C2CD2: variants seen among roughly 807,000 people sequenced by gnomAD.
C2CD2 encodes the protein C2 calcium dependent domain containing 2.
In C2CD2, 43 loss-of-function variants were observed where a neutral mutation model predicts 74.3. The ratio of observed to expected loss-of-function variants is 0.58; its 90% CI spans 0.45 to 0.75. The LOEUF (loss-of-function observed/expected upper bound fraction) is 0.75, where lower values mean the gene tolerates loss of function less well. Ranked by LOEUF, C2CD2 falls within the 30% of genes least tolerant of loss-of-function variation. C2CD2 has a pLI of 0.00. For synonymous variants in C2CD2, 422 were observed against 390.7 expected (o/e 1.08, Z -0.94); for missense variants, 801 against 916.3 (o/e 0.87, Z 1.63).
chr21:41,939,571 A>C lies in C2CD2; in HGVS notation c.378+2576T>G, dbSNP rs9325615. Among the ~76,000 whole-genome samples, 51,642 of 151,968 alleles carry C rather than the reference A, an allele frequency of 0.34. 9,792 individuals carry two copies. The highest frequency in any genetic ancestry group is 0.5 in the African/African-American group (20,796 of 41,380). ...CACGGCTCTCTGCACCTCAGCTCCCAAGAGTATAAAATGGGCACTGGAGCA... is the reference window on the plus strand; with the variant it reads ...CACGGCTCTCTGCACCTCAGCTCCCCAGAGTATAAAATGGGCACTGGAGCA... On this transcript the variant is annotated intron_variant, in intron 2 of 13. Coordinates refer to ENST00000380486, the MANE Select transcript of C2CD2 (RefSeq NM_015500.2). The surrounding 1 kb of genome is among the most constrained non-coding windows in gnomAD (Gnocchi z 5.5).
intron 5 of C2CD2, 74 bp downstream of exon 5, chr21:41,918,031 C>G: frequency 6.4e-7 from 1 of 1,572,986 alleles, no homozygotes; most frequent in South Asian, 1.1e-5. Flanking sequence ...GGAACGCACA[C>G]AGATTCTCCA....
chr21:41,906,100 T>C (rs1356470024), intron 10 of C2CD2, among the ~76,000 whole-genome samples: 1 of 152,224 alleles, frequency 6.6e-6, no homozygotes, highest in Non-Finnish European at 1.5e-5. Flanking sequence ...TCATGCACTC[T>C]GGGAGGATAA....
chr21:41,894,472 G>A, intron 13 of C2CD2: 1 of 367,354 alleles, frequency 2.7e-6, no homozygotes, highest in Non-Finnish European at 5.4e-6. Flanking sequence ...CCCAGGCCCT[G>A]CTCTTCCATG....
At chr21:41,914,496 CG>C (rs1487250930) in intron 6 of C2CD2, 101 bp downstream of exon 6, 1 of 995,984 alleles carries the variant, frequency 1.0e-6, no homozygotes, top group Non-Finnish European at 1.4e-6. Flanking sequence ...TGCACCCCCA[CG>C]GGAGGATGCC....
intron 2 of C2CD2, among the ~76,000 whole-genome samples, chr21:41,941,871 T>G (rs913058141): frequency 6.6e-6 from 1 of 152,248 alleles, no homozygotes; most frequent in Non-Finnish European, 1.5e-5. Context: ...ATGAGGTTTT[T>G]GTGTCCAGCT....
At chr21:41,896,739 GT>G (rs1377937878) in intron 13 of C2CD2, among the ~76,000 whole-genome samples, 9 of 135,582 alleles carry the variant, frequency 6.6e-5, no homozygotes, top group Admixed American at 2.9e-4. Flanking sequence ...ACAAGCTTTA[GT>G]TTTTAAAAAA....
intron 7 of C2CD2, chr21:41,912,049 C>T: frequency 3.3e-6 from 1 of 304,844 alleles, no homozygotes; most frequent in Non-Finnish European, 6.0e-6. Flanking sequence ...CAGAGGCTCC[C>T]TCCCTTTTCA....
chr21:41,940,400 C>T (rs1227455244), intron 2 of C2CD2, among the ~76,000 whole-genome samples: 1 of 152,170 alleles, frequency 6.6e-6, no homozygotes, highest in Non-Finnish European at 1.5e-5. Context: ...ATGTTAAACA[C>T]ACAAATACCC....
At chr21:41,936,276 A>G (rs939028018) in intron 2 of C2CD2, among the ~76,000 whole-genome samples, 2 of 152,228 alleles carry the variant, frequency 1.3e-5, no homozygotes, top group African/African-American at 4.8e-5. Flanking sequence ...AACCCAATTA[A>G]AAAATGGGCA....
At chr21:41,948,790 C>G (rs1364962970) in intron 1 of C2CD2, among the ~76,000 whole-genome samples, 3 of 144,968 alleles carry the variant, frequency 2.1e-5, no homozygotes, top group Non-Finnish European at 4.5e-5. Flanking sequence ...AGTCTGGTGG[C>G]CACTTTGTTT....
rs1569064818 is a variant in C2CD2 at position 41,909,498 on chromosome 21, A to G, written c.979T>C (p.Leu327=). Residue 327 remains leucine, a synonymous_variant, in exon 8 of 14, where the codon TTA becomes CTA. Coordinates refer to ENST00000380486, the MANE Select transcript of C2CD2 (RefSeq NM_015500.2). ...TFELNAKSKE[L]HLQISEAGRS... is the part of the protein sequence containing the mutation. ...CCAGCCTCTGAAATCTGCAGGTGTA[A>G]CTCCTTCGACTTGGCATTCAACTCG... The G allele has an allele frequency of 1.2e-6, 2 of 1,613,626 alleles. No individual in the cohort carries two copies. Among genetic ancestry groups the G allele is most frequent in the East Asian group, 2.2e-5 (1 of 44,874 alleles).
At chr21:41,919,196 A>G (rs6586342) in intron 3 of C2CD2, among the ~76,000 whole-genome samples, 49,248 of 152,088 alleles carry the variant, frequency 0.32, 8,133 homozygotes, top group South Asian at 0.39. Flanking sequence ...GAATGTGTGC[A>G]TGTGCATGTG....
At chr21:41,953,042 A>G (rs1294764079) in intron 1 of C2CD2, 8 of 306,208 alleles carry the variant, frequency 2.6e-5, no homozygotes, top group Non-Finnish European at 3.6e-5. Context: ...GGGCACGGGA[A>G]TTCGCCCCGG....
intron 1 of C2CD2, among the ~76,000 whole-genome samples, chr21:41,952,322 T>C (rs1424471741): frequency 6.6e-6 from 1 of 152,236 alleles, no homozygotes; most frequent in African/African-American, 2.4e-5. Context: ...TGGCCATGTC[T>C]TCCAAGGCCA....
At position 41,926,726 on chromosome 21, in the gene C2CD2, T is replaced by C; in HGVS notation, c.379-4641A>G. On this transcript the variant is annotated intron_variant, in intron 2 of 13. Transcript: ENST00000380486. This position sits in a 1 kb window ranked among gnomAD's most constrained non-coding sequence, Gnocchi z 8.0. Reference sequence around the variant, plus strand: ...TGTGCCCTTTCACTTTCCTTTTCAATTAAGCTTCCTGTACAGCTGCCTCGG... The same window carrying C: ...TGTGCCCTTTCACTTTCCTTTTCAACTAAGCTTCCTGTACAGCTGCCTCGG... The C allele has an allele frequency of 1.3e-5, 7 of 559,068 alleles. No homozygotes were observed. Among genetic ancestry groups the C allele is most frequent in the Non-Finnish European group, 1.4e-5 (6 of 440,614 alleles). The allele number at this position is 559,068 out of a possible 1,614,324, so 34.6% of individuals were successfully genotyped here. A position where few individuals can be genotyped will look rare whatever the true frequency, so the allele number is the denominator to read the frequency against.
intron 13 of C2CD2, among the ~76,000 whole-genome samples, chr21:41,896,512 G>A (rs2064823883): frequency 6.6e-6 from 1 of 152,050 alleles, no homozygotes; most frequent in Non-Finnish European, 1.5e-5. Flanking sequence ...ACAGCTCAGT[G>A]GTGCTGAGTA....
chr21:41,915,275 T>C (rs1278198117), intron 5 of C2CD2, among the ~76,000 whole-genome samples: 1 of 152,142 alleles, frequency 6.6e-6, no homozygotes, highest in Non-Finnish European at 1.5e-5. Flanking sequence ...CAGGGGCAGC[T>C]GGGACCAGCT....
rs562476809 is a variant in C2CD2, at chr21:41,932,559, T to C, written c.378+9588A>G. On this transcript the variant is annotated intron_variant, in intron 2 of 13. Coordinates refer to ENST00000380486, the MANE Select transcript of C2CD2 (RefSeq NM_015500.2). The stretch of plus-strand genomic sequence containing the variant: ...GGATCTGTGTTAAGTCTGAGTAATG[T>C]CAGAATGGAGTTGAACTGTAGGACA... Among the ~76,000 whole-genome samples the C allele has an allele frequency of 3.3e-5, 5 of 150,536 alleles. No homozygotes were observed. The South Asian group carries it at 1.1e-3, about 32-fold the overall frequency.
intron 13 of C2CD2, among the ~76,000 whole-genome samples, chr21:41,897,089 A>G (rs1176541600): frequency 6.6e-6 from 1 of 152,190 alleles, no homozygotes; most frequent in Non-Finnish European, 1.5e-5. Context: ...CCAGTCCCCA[A>G]AGGGTGGACC....
Sources: gnomAD v4.1 joint callset for allele counts (sites outside exome capture counted in the v4.1 genomes callset) on GRCh38, gnomAD v4.1.1 for gene constraint, Gnocchi (gnomAD v3.1) non-coding constraint, MANE v1.5 for transcripts, NCBI Gene and HGNC (gene_info 2026-07-23, HGNC 2026-07-21) for gene names.